Variants in PGLYRP3 observed in about 807,000 individuals in gnomAD.
The protein encoded by PGLYRP3 is peptidoglycan recognition protein I alpha.
Under a neutral mutation model 36.0 loss-of-function variants are expected in PGLYRP3, and 39 were observed. The ratio of observed to expected loss-of-function variants is 1.08; its 90% CI spans 0.84 to 1.41. The LOEUF is 1.41. Ranked by LOEUF, PGLYRP3 falls within the 40% of genes most tolerant of loss-of-function variation. The probability of loss-of-function intolerance (pLI) is 0.00; values close to 1 mark genes in which losing one functional copy is unlikely to be tolerated. For missense variants in PGLYRP3, 407 were observed against 427.9 expected (o/e 0.95, Z 0.43); for synonymous variants, 204 against 172.8 (o/e 1.18, Z -1.42).
chr1:153,307,705 C>T (rs988703679), intron 2 of PGLYRP3, among the ~76,000 whole-genome samples: 2 of 152,160 alleles, frequency 1.3e-5, no homozygotes, highest in African/African-American at 4.8e-5. Flanking sequence ...TTCCCCTCCC[C>T]TAAGAACCAT....
chr1:153,312,090 C>T (rs1659908271), intron 1 of PGLYRP3, among the ~76,000 whole-genome samples: 1 of 152,208 alleles, frequency 6.6e-6, no homozygotes, highest in Non-Finnish European at 1.5e-5. Flanking sequence ...GTCACTTAAT[C>T]ACTGTGCTTC....
In PGLYRP3 at chr1:153,305,222, C is replaced by T. The variant is rs560602417; in HGVS notation, c.258-157G>A. 9.9e-5 allele frequency among the ~76,000 whole-genome samples: 15 copies of T among 152,240 alleles called. No homozygotes were observed. The East Asian group carries it at 2.5e-3, about 25-fold the overall frequency. On this transcript the variant is annotated intron_variant, in intron 3 of 7. Coordinates refer to ENST00000683862, the MANE Select transcript of PGLYRP3 (RefSeq NM_052891.3). ...TGCAGAATAACCAGTTTTAGACCTC[C>T]AAGAGACATGGGAATATATTTTAAT...
intron 2 of PGLYRP3, among the ~76,000 whole-genome samples, chr1:153,308,069 A>G (rs914692945): frequency 3.3e-5 from 5 of 150,310 alleles, no homozygotes; most frequent in Admixed American, 1.3e-4. Flanking sequence ...ATCTCGGCTC[A>G]CTGCAGCCTC....
chr1:153,299,051 C>T, intron 7 of PGLYRP3, 62 bp downstream of exon 7: 1 of 1,404,224 alleles, frequency 7.1e-7, no homozygotes, highest in Non-Finnish European at 1.0e-6. Flanking sequence ...CGCCATGCTT[C>T]CCAGACATGC....
chr1:153,302,373 G>A, intron 6 of PGLYRP3, 36 bp downstream of exon 6: 1 of 1,602,954 alleles, frequency 6.2e-7, no homozygotes, highest in Non-Finnish European at 8.5e-7. Flanking sequence ...CAATCCTGAA[G>A]AAAAAGAGGG....
chr1:153,306,636 C>G (rs1659744614), intron 3 of PGLYRP3, among the ~76,000 whole-genome samples: 1 of 152,192 alleles, frequency 6.6e-6, no homozygotes. Flanking sequence ...TGCTTCCTCT[C>G]TCTGAGCAGA....
chr1:153,307,944 G>C (rs926689608), intron 2 of PGLYRP3, among the ~76,000 whole-genome samples: 1 of 152,106 alleles, frequency 6.6e-6, no homozygotes, highest in Non-Finnish European at 1.5e-5. Flanking sequence ...TGTCATGCTG[G>C]AGCTGGGAGT....
chr1:153,308,082 C>A (rs1373117865), intron 2 of PGLYRP3, among the ~76,000 whole-genome samples: 1 of 152,026 alleles, frequency 6.6e-6, no homozygotes, highest in Admixed American at 6.6e-5. Context: ...GCAGCCTCCA[C>A]CTCCCGGATT....
chr1:153,309,641 AC>A (rs1223988126), intron 2 of PGLYRP3, among the ~76,000 whole-genome samples: 5 of 152,128 alleles, frequency 3.3e-5, no homozygotes, highest in Non-Finnish European at 7.3e-5. Flanking sequence ...ACAGGAGCCC[AC>A]CTCAGCAGGC....
At chr1:153,302,670 C>T in intron 5 of PGLYRP3, 63 bp from the exon 6 acceptor site, 2 of 1,494,866 alleles carry the variant, frequency 1.3e-6, no homozygotes, top group Non-Finnish European at 9.3e-7. Flanking sequence ...AGCAATCACT[C>T]AACTCCAGGC....
rs375712205 is a variant in PGLYRP3 at position 153,307,071 on chromosome 1, C to G, written c.252G>C (p.Ala84=). The G allele has an allele frequency of 1.2e-6, 2 of 1,613,378 alleles. No homozygotes were observed. The highest frequency in any genetic ancestry group is 3.3e-5 in the Admixed American group (2 of 59,944). ...GGACTTGGCTAGCCTCTTACTTGTA[C>G]GCCACGTCGCACCAGCCTATGGTGT... ...SVYTIGWCDV[A]YNFLVGDDGR... The change falls in exon 3 of 8, where the codon GCG becomes GCC. Residue 84 remains alanine (A), a synonymous_variant. Transcript: ENST00000683862.
chr1:153,302,434 G>T lies in PGLYRP3; in HGVS notation c.703C>A (p.Arg235=), dbSNP rs149128791. The T allele has an allele frequency of 6.2e-7, 1 of 1,614,146 alleles. No homozygotes were observed. Residue 235 remains arginine, a synonymous_variant, in exon 6 of 8, where the codon CGG becomes AGG. Transcript: ENST00000683862. ...TGATATCCAATGTCACAAAAGTTCC[G>T]TGTGTCCATGTGAAAGGACTGTATG... ...RNIQSFHMDT[R]NFCDIGYHFL...
rs1659475587 is a variant in PGLYRP3 at position 153,297,778 on chromosome 1, G to C, written c.*178C>G. 2 of 660,618 alleles carry C rather than the reference G, an allele frequency of 3.0e-6. No individual in the cohort carries two copies. The highest frequency in any genetic ancestry group is 5.1e-6 in the Non-Finnish European group (2 of 395,346). 40.9% of individuals were successfully genotyped at this position (660,618 alleles called of 1,614,324 possible). ...AGACCAAGAGGGCTGTGAATGCCCA[G>C]CTGTGAGGTTTGGGGGCTCCTGGAG... On this transcript the variant is annotated 3_prime_UTR_variant, in exon 8 of 8. Coordinates refer to ENST00000683862, the MANE Select transcript of PGLYRP3 (RefSeq NM_052891.3).
In PGLYRP3 at chr1:153,302,500, T is replaced by A; in HGVS notation, c.637A>T (p.Ser213Cys). 6.2e-7 allele frequency: 1 copy of A among 1,614,204 alleles called. No homozygotes were observed. Among genetic ancestry groups the A allele is most frequent in the Non-Finnish European group, 8.5e-7 (1 of 1,180,026 alleles). Residue 213 changes from serine to cysteine, a missense_variant, in exon 6 of 8, where the codon AGC becomes TGC. By Grantham distance (112) the Ser-to-Cys change is moderately radical (BLOSUM62 -1). Transcript: ENST00000683862. ...YVIIIHTAGT[S>C]CTVSTDCQTV... ...TGGCAGTCTGTGGATACAGTGCAGC[T>A]TGTGCCAGCGGTGTGGATGATGATG...
Position 153,305,037 on chromosome 1 carries a change from A to G in PGLYRP3, c.286T>C (p.Tyr96His), listed in dbSNP as rs759602587. 14 of 1,613,592 alleles carry G rather than the reference A, an allele frequency of 8.7e-6. No individual in the cohort carries two copies. The highest frequency in any genetic ancestry group is 7.7e-5 in the South Asian group (7 of 90,980). The change falls in exon 4 of 8, where the codon TAT becomes CAT. Residue 96 changes from tyrosine to histidine, a missense_variant. By Grantham distance (83) the Tyr-to-His change is moderately conservative (BLOSUM62 2). Transcript: ENST00000683862. ...NFLVGDDGRVYEGVGWNIQGL... is the reference protein window; with the variant it reads ...NFLVGDDGRVHEGVGWNIQGL... ...TGGATGTTCCAGCCAACACCTTCAT[A>G]CACCCTGCCATCATCCCCAACCAGG... is the stretch of plus-strand genomic sequence containing the variant.
At position 153,299,171 on chromosome 1, in the gene PGLYRP3, A is replaced by G. The variant is rs1447603644; in HGVS notation, c.789T>C (p.Ser263=). 9.3e-6 allele frequency: 15 copies of G among 1,614,042 alleles called. No homozygotes were observed. Among genetic ancestry groups the G allele is most frequent in the Non-Finnish European group, 1.2e-5 (14 of 1,180,030 alleles). The part of the protein sequence containing the change: ...YEGVGWHIQG[S]HTYGFNDIAL... ...CAATATCGTTGAATCCATAAGTGTG[A>G]GAGCCTTGGATGTGCCATCCAACCC... The change falls in exon 7 of 8, where the codon TCT becomes TCC. Residue 263 remains serine, a synonymous_variant. Transcript: ENST00000683862.
At chr1:153,312,091 A>G (rs1659908311) in intron 1 of PGLYRP3, among the ~76,000 whole-genome samples, 2 of 152,186 alleles carry the variant, frequency 1.3e-5, no homozygotes, top group South Asian at 2.1e-4. Flanking sequence ...TCACTTAATC[A>G]CTGTGCTTCC....
chr1:153,304,969 G>A lies in PGLYRP3; in HGVS notation c.354C>T (p.Ile118=), dbSNP rs200799505. 1.9e-4 allele frequency: 305 copies of A among 1,613,632 alleles called. 6 individuals are homozygous for A. In the East Asian group the frequency reaches 2.3e-3, roughly 12 times the overall value. ...TACCTATCTTATTGCCAAAGAAGGC[G>A]ATGCCCAGGGAAATGTTGTTGTAGC... The part of the protein sequence containing the change: ...TQGYNNISLG[I]AFFGNKIGSS... Residue 118 remains isoleucine, a synonymous_variant, in exon 4 of 8, where the codon ATC becomes ATT. Coordinates refer to ENST00000683862, the MANE Select transcript of PGLYRP3 (RefSeq NM_052891.3).
chr1:153,312,365 T>C (rs1380743826), intron 1 of PGLYRP3, among the ~76,000 whole-genome samples: 1 of 152,130 alleles, frequency 6.6e-6, no homozygotes, highest in Non-Finnish European at 1.5e-5. Flanking sequence ...GATAAGAATT[T>C]AGGGCTCTAC....
Sources: allele counts gnomAD v4.1 joint callset (sites outside exome capture counted in the v4.1 genomes callset), GRCh38; gene constraint gnomAD v4.1.1; transcripts MANE v1.5; gene names NCBI Gene and HGNC (gene_info 2026-07-23, HGNC 2026-07-21).